The following RTN1 variants were observed in gnomAD, a reference collection of about 807,000 sequenced individuals.
The protein encoded by RTN1 is reticulon 1.
In RTN1, 25 loss-of-function variants were observed where a neutral mutation model predicts 65.5. The observed-to-expected ratio is 0.38, with a 90% CI of 0.28 to 0.53. The LOEUF is 0.53. Ranked by LOEUF, RTN1 falls within the 20% of genes least tolerant of loss-of-function variation. The pLI is 0.79. For missense variants in RTN1, 983 were observed against 1,025.4 expected (o/e 0.96, Z 0.57); for synonymous variants, 471 against 447.6 (o/e 1.05, Z -0.66).
chr14:59,711,202 A>G (rs965504641), intron 3 of RTN1, among the ~76,000 whole-genome samples: 1 of 152,188 alleles, frequency 6.6e-6, no homozygotes, highest in Admixed American at 6.5e-5. Flanking sequence ...GTTTCAACAG[A>G]CTGGTCTTGT....
Position 59,829,159 on chromosome 14 carries a change from T to A in RTN1, c.241+41231A>T, listed in dbSNP as rs962617546. Among the ~76,000 whole-genome samples, 3 of 152,210 alleles carry A rather than the reference T, an allele frequency of 2.0e-5. No homozygotes were observed. The highest frequency in any genetic ancestry group is 7.2e-5 in the African/African-American group (3 of 41,444). ...ACACAGCAATACACCGTTCATTAATTAACATTTTAAAGTGCCTTCTACAAC... is the reference window on the plus strand; with the variant it reads ...ACACAGCAATACACCGTTCATTAATAAACATTTTAAAGTGCCTTCTACAAC... On this transcript the variant is annotated intron_variant, in intron 1 of 8. Coordinates refer to ENST00000267484, the MANE Select transcript of RTN1 (RefSeq NM_021136.3). This position sits in a 1 kb window ranked among gnomAD's most constrained non-coding sequence, Gnocchi z 4.3.
At chr14:59,857,189 C>G (rs1887623673) in intron 1 of RTN1, among the ~76,000 whole-genome samples, 1 of 152,090 alleles carries the variant, frequency 6.6e-6, no homozygotes, top group South Asian at 2.1e-4. Context: ...GAGCTTAAAG[C>G]TAAAGCTTTA....
intron 3 of RTN1, among the ~76,000 whole-genome samples, chr14:59,726,609 G>A (rs1884765836): frequency 6.6e-6 from 1 of 152,176 alleles, no homozygotes; most frequent in African/African-American, 2.4e-5. Flanking sequence ...ACCCAGCCCT[G>A]GAATGGAAAG....
intron 3 of RTN1, among the ~76,000 whole-genome samples, chr14:59,696,886 TA>T (rs1884074896): frequency 6.6e-6 from 1 of 152,054 alleles, no homozygotes; most frequent in South Asian, 2.1e-4. Context: ...ACTGCTCTCA[TA>T]GGGGGGAAAA....
rs932463699 is a variant in RTN1 at position 59,870,154 on chromosome 14, A to T, written c.241+236T>A. On this transcript the variant is annotated intron_variant, in intron 1 of 8. Transcript: ENST00000267484. The surrounding 1 kb of genome is among the most constrained non-coding windows in gnomAD (Gnocchi z 5.1). ...AATTTTTAAAGCGGAAATAATCATG[A>T]TAATGAAATAAAAGGATCAAAAGCA... Among the ~76,000 whole-genome samples the T allele has an allele frequency of 1.3e-5, 2 of 152,244 alleles. No individual in the cohort carries two copies. Among genetic ancestry groups the T allele is most frequent in the East Asian group, 3.9e-4 (2 of 5,182 alleles).
chr14:59,609,836 T>C (rs1464660990), intron 3 of RTN1, among the ~76,000 whole-genome samples: 1 of 152,116 alleles, frequency 6.6e-6, no homozygotes, highest in Non-Finnish European at 1.5e-5. Flanking sequence ...GTGCTGGAGG[T>C]GGGGATATAA....
chr14:59,629,958 C>T (rs1365982649), intron 3 of RTN1, among the ~76,000 whole-genome samples: 1 of 152,220 alleles, frequency 6.6e-6, no homozygotes, highest in Non-Finnish European at 1.5e-5. Flanking sequence ...TCTCCACTCT[C>T]CTTTGTGTGA....
chr14:59,651,583 C>CA (rs1197234076), intron 3 of RTN1, among the ~76,000 whole-genome samples: 1 of 151,932 alleles, frequency 6.6e-6, no homozygotes, highest in Non-Finnish European at 1.5e-5. Flanking sequence ...ACTAAAAATA[C>CA]AAAAATTAGC....
chr14:59,727,063 C>T lies in RTN1; in HGVS notation c.1621G>A (p.Gly541Arg), dbSNP rs758077827. Residue 541 changes from glycine (G) to arginine (R), a missense_variant, in exon 3 of 9, where the codon GGA becomes AGA. Transcript: ENST00000267484. The surrounding 1 kb of genome is among the most constrained non-coding windows in gnomAD (Gnocchi z 4.2). ...ATGGGCGTCTCAGGCTCCAGGGCTC[C>T]GTCTCCAGGGGGCAGCTCGGGGCCA... ...QPGPELPPGDGALEPETPMLP... is the reference protein window; with the variant it reads ...QPGPELPPGDRALEPETPMLP... 1.1e-5 allele frequency: 17 copies of T among 1,612,872 alleles called. No homozygotes were observed. The highest frequency in any genetic ancestry group is 1.7e-5 in the Admixed American group (1 of 59,890).
intron 1 of RTN1, among the ~76,000 whole-genome samples, chr14:59,785,489 T>C (rs769695133): frequency 3.9e-5 from 6 of 152,224 alleles, no homozygotes; most frequent in Non-Finnish European, 8.8e-5. Flanking sequence ...TGTCTCTACC[T>C]AAATACATTT....
chr14:59,644,948 G>T (rs916599109), intron 3 of RTN1, among the ~76,000 whole-genome samples: 1 of 152,188 alleles, frequency 6.6e-6, no homozygotes, highest in Non-Finnish European at 1.5e-5. Flanking sequence ...CCCTGGAATG[G>T]AGCTCCCAGG....
chr14:59,759,157 A>G (rs1885699269), intron 1 of RTN1, among the ~76,000 whole-genome samples: 1 of 152,152 alleles, frequency 6.6e-6, no homozygotes. Flanking sequence ...GGATTGGAAG[A>G]GTTTCTTTAG....
chr14:59,711,901 C>G (rs1594693273), intron 3 of RTN1, among the ~76,000 whole-genome samples: 1 of 152,140 alleles, frequency 6.6e-6, no homozygotes, highest in South Asian at 2.1e-4. Context: ...GGCCTACGAG[C>G]CATAGGCAAA....
chr14:59,629,051 T>G (rs1392666453), intron 3 of RTN1, among the ~76,000 whole-genome samples: 1 of 152,208 alleles, frequency 6.6e-6, no homozygotes, highest in African/African-American at 2.4e-5. Context: ...AAGAATAAAA[T>G]GTTACAAAAT....
At chr14:59,669,495 T>C (rs890237643) in intron 3 of RTN1, among the ~76,000 whole-genome samples, 15 of 151,964 alleles carry the variant, frequency 9.9e-5, no homozygotes, top group African/African-American at 2.9e-4. Context: ...TTAGGAGAAA[T>C]ATCTAATTTA....
chr14:59,858,790 C>T (rs140870438), intron 1 of RTN1, among the ~76,000 whole-genome samples: 2 of 152,184 alleles, frequency 1.3e-5, no homozygotes, highest in African/African-American at 4.8e-5. Flanking sequence ...TCGTATGATG[C>T]TTTTAGCATT....
At chr14:59,685,994 T>C (rs1883839573) in intron 3 of RTN1, among the ~76,000 whole-genome samples, 1 of 152,142 alleles carries the variant, frequency 6.6e-6, no homozygotes, top group Non-Finnish European at 1.5e-5. Flanking sequence ...TGGAACAGAA[T>C]AGAAAGCCCA....
chr14:59,628,803 A>G (rs780407674), intron 3 of RTN1, among the ~76,000 whole-genome samples: 26 of 152,230 alleles, frequency 1.7e-4, no homozygotes, highest in Non-Finnish European at 2.1e-4. Context: ...GTCAAACCGC[A>G]TAAGATTGTG....
chr14:59,603,074 A>G lies in RTN1; in HGVS notation c.2279T>C (p.Val760Ala). The change falls in exon 8 of 9, where the codon GTT becomes GCT. Residue 760 changes from valine to alanine, a missense_variant. By Grantham distance (64) the Val-to-Ala change is moderately conservative (BLOSUM62 0). Around this residue, in one of 2 missense-constraint regions of RTN1, gnomAD observed 165 missense variants for 223.6 expected, o/e 0.74. Coordinates refer to ENST00000267484, the MANE Select transcript of RTN1 (RefSeq NM_021136.3). ...LGLVRTHINA[V>A]VAKIQAKIPG... ...GCACTATGTGACTTACTTTGCCACA[A>G]CAGCATTTATGTGAGTCCTCACAAG... The G allele has an allele frequency of 6.2e-7, 1 of 1,613,562 alleles. No individual in the cohort carries two copies. The highest frequency in any genetic ancestry group is 8.5e-7 in the Non-Finnish European group (1 of 1,179,734).
Sources: allele counts gnomAD v4.1 joint callset (sites outside exome capture counted in the v4.1 genomes callset), GRCh38; gene constraint gnomAD v4.1.1; regional missense constraint gnomAD v4.1.1; non-coding constraint Gnocchi (gnomAD v3.1); transcripts MANE v1.5; gene names NCBI Gene and HGNC (gene_info 2026-07-23, HGNC 2026-07-21).